SMARCA2: variants seen among roughly 807,000 people sequenced by gnomAD.
SMARCA2 encodes SWI/SNF related BAF chromatin remodeling complex subunit ATPase 2.
In SMARCA2, 61 loss-of-function variants were observed where a neutral mutation model predicts 199.8. The ratio of observed to expected loss-of-function variants is 0.31; its 90% CI spans 0.25 to 0.38. The LOEUF is 0.38. SMARCA2 is among the 10% of genes least tolerant of loss of function. SMARCA2 has a pLI of 1.00. For synonymous variants in SMARCA2, 935 were observed against 732.0 expected, an observed-to-expected ratio of 1.28 and a Z score of -4.48; for missense variants, 1,344 against 2,012.2, an observed-to-expected ratio of 0.67 and a Z score of 6.35.
At chr9:2,047,644 G>A (rs1221668055) in intron 5 of SMARCA2, 160 bp downstream of exon 5, 4 of 881,870 alleles carry the variant, frequency 4.5e-6, no homozygotes, top group Non-Finnish European at 6.0e-6. Context: ...CCGGTGCTGA[G>A]GGGAGGCACC....
chr9:2,053,110 C>A (rs997883253), intron 5 of SMARCA2, among the ~76,000 whole-genome samples: 5 of 152,156 alleles, frequency 3.3e-5, no homozygotes, highest in Non-Finnish European at 7.3e-5. Flanking sequence ...AGTTTTTCAT[C>A]CCTTCCTGCG....
intron 24 of SMARCA2, among the ~76,000 whole-genome samples, chr9:2,111,397 TG>T (rs762477364): frequency 7.0e-6 from 1 of 143,650 alleles, no homozygotes; most frequent in Non-Finnish European, 1.5e-5. Flanking sequence ...CAGGCTGAGG[TG>T]GGAGGATTGT....
At chr9:2,145,647 G>A (rs111443120) in intron 27 of SMARCA2, among the ~76,000 whole-genome samples, 1 of 152,128 alleles carries the variant, frequency 6.6e-6, no homozygotes, top group African/African-American at 2.4e-5. Context: ...AAAATACCTA[G>A]AACAAATACA....
At chr9:2,030,542 T>TC (rs1013013949) in intron 2 of SMARCA2, among the ~76,000 whole-genome samples, 1 of 98,118 alleles carries the variant, frequency 1.0e-5, no homozygotes, top group Non-Finnish European at 2.0e-5. Context: ...TTCCTCTAGC[T>TC]TTTTTTTTTT....
Position 2,161,885 on chromosome 9 carries a change from T to C in SMARCA2, c.4181T>C (p.Val1394Ala). 1 of 1,613,818 alleles carries C rather than the reference T, an allele frequency of 6.2e-7. No homozygotes were observed. Among genetic ancestry groups the C allele is most frequent in the Non-Finnish European group, 8.5e-7 (1 of 1,179,746 alleles). Residue 1394 changes from valine (V) to alanine (A), a missense_variant, in exon 28 of 34, where the codon GTG (valine) becomes GCG (alanine). This residue lies in a region of SMARCA2 where 151 missense variants were observed against 154.0 expected (regional missense o/e 0.98). Coordinates refer to ENST00000349721, the MANE Select transcript of SMARCA2 (RefSeq NM_003070.5). This position sits in a 1 kb window ranked among gnomAD's most constrained non-coding sequence, Gnocchi z 4.7. ...CAGATGAACGCTATCATCGATACTG[T>C]GATAAACTACAAAGATAGGTGAGTG... ...TKQMNAIIDT[V>A]INYKDRCNVE...
chr9:2,068,463 A>G (rs1243254258), intron 9 of SMARCA2, among the ~76,000 whole-genome samples: 1 of 152,206 alleles, frequency 6.6e-6, no homozygotes, highest in Non-Finnish European at 1.5e-5. Context: ...AGAAATTTCA[A>G]ATGTTGATGG....
chr9:2,189,054 A>T (rs1337254368), intron 32 of SMARCA2, among the ~76,000 whole-genome samples: 2 of 152,190 alleles, frequency 1.3e-5, no homozygotes, highest in African/African-American at 2.4e-5. Flanking sequence ...AGATGATTAG[A>T]CTGGGCCCAC....
chr9:2,059,794 C>G (rs577259599), intron 8 of SMARCA2, among the ~76,000 whole-genome samples: 3 of 152,066 alleles, frequency 2.0e-5, no homozygotes. Flanking sequence ...AGAGTGACAC[C>G]CCTGGACAAA....
chr9:2,140,430 A>G (rs1424963449), intron 27 of SMARCA2, among the ~76,000 whole-genome samples: 1 of 152,232 alleles, frequency 6.6e-6, no homozygotes, highest in Admixed American at 6.5e-5. Flanking sequence ...CTCAAAGAGA[A>G]TTAATAAGCC....
intron 9 of SMARCA2, among the ~76,000 whole-genome samples, chr9:2,066,654 C>T (rs1289341036): frequency 2.6e-5 from 4 of 152,168 alleles, no homozygotes; most frequent in Non-Finnish European, 5.9e-5. Context: ...TAGGAAGAAG[C>T]CAGTACAAAG....
chr9:2,083,332 T>A lies in SMARCA2; in HGVS notation c.2349-15T>A, dbSNP rs777370075. The A allele has an allele frequency of 1.9e-5, 29 of 1,533,436 alleles. 1 individual carries two copies. In the Admixed American group the frequency reaches 5.9e-4, roughly 31 times the overall value. The allele number at this position is 1,533,436 out of a possible 1,614,324, so 95.0% of individuals were successfully genotyped here. A position where few individuals can be genotyped will look rare whatever the true frequency, so the allele number is the denominator to read the frequency against. ...AAATGTCTTTTTTCTGTTGTTTTTT[T>A]TTTTTGTTCCATAGGACTCTATCTA... On this transcript the variant is annotated splice_polypyrimidine_tract_variant and intron_variant, in intron 15 of 33. Transcript: ENST00000349721.
At chr9:2,071,459 G>A (rs1821084623) in intron 10 of SMARCA2, among the ~76,000 whole-genome samples, 1 of 152,310 alleles carries the variant, frequency 6.6e-6, no homozygotes, top group Middle Eastern at 3.4e-3. Flanking sequence ...ACCTAAGAAT[G>A]CCTCCCATTG....
Position 2,151,737 on chromosome 9 carries a change from A to G in SMARCA2, c.3982-9949A>G, listed in dbSNP as rs1825091536. On this transcript the variant is annotated intron_variant, in intron 27 of 33. Coordinates refer to ENST00000349721, the MANE Select transcript of SMARCA2 (RefSeq NM_003070.5). ...GACAGAGCAAGACTTCGTATCAAAA[A>G]TAAAAAATAAATGAATTAAAAAATA... Among the ~76,000 whole-genome samples the G allele has an allele frequency of 2.0e-5, 3 of 152,138 alleles. No individual in the cohort carries two copies. In the East Asian group the frequency reaches 5.8e-4, roughly 29 times the overall value.
intron 1 of SMARCA2, among the ~76,000 whole-genome samples, chr9:2,025,174 C>A (rs1436983892): frequency 6.6e-6 from 1 of 152,144 alleles, no homozygotes; most frequent in Non-Finnish European, 1.5e-5. Context: ...AACACACACT[C>A]TCTAGTTGTG....
chr9:2,130,611 A>T (rs1823899737), intron 27 of SMARCA2, among the ~76,000 whole-genome samples: 1 of 152,136 alleles, frequency 6.6e-6, no homozygotes, highest in African/African-American at 2.4e-5. Context: ...CAGTTTTGTA[A>T]CTTTCCTATG....
chr9:2,056,548 G>A lies in SMARCA2; in HGVS notation c.1174-124G>A. The A allele has an allele frequency of 1.5e-5, 12 of 781,756 alleles. No homozygotes were observed. The highest frequency in any genetic ancestry group is 2.4e-5 in the Non-Finnish European group (12 of 500,776). 48.4% of individuals were successfully genotyped at this position (781,756 alleles called of 1,614,324 possible). ...CCTTCATTTAATACAAACCAAAGGT[G>A]ATTGAGAAGCTTGTGGAGATTCCCC... On this transcript the variant is annotated intron_variant, in intron 6 of 33. Coordinates refer to ENST00000349721, the MANE Select transcript of SMARCA2 (RefSeq NM_003070.5). The surrounding 1 kb of genome is among the most constrained non-coding windows in gnomAD (Gnocchi z 4.0).
chr9:2,130,993 G>A (rs1406550501), intron 27 of SMARCA2, among the ~76,000 whole-genome samples: 1 of 152,192 alleles, frequency 6.6e-6, no homozygotes, highest in Non-Finnish European at 1.5e-5. Context: ...GGGCTGGAGG[G>A]TGGTTTCTGG....
intron 23 of SMARCA2, among the ~76,000 whole-genome samples, chr9:2,109,638 G>T (rs949911204): frequency 6.6e-6 from 1 of 152,050 alleles, no homozygotes; most frequent in Non-Finnish European, 1.5e-5. Flanking sequence ...CTTGTGGGGG[G>T]GGTGGGGATT....
At chr9:2,149,064 GTTT>G in intron 27 of SMARCA2, among the ~76,000 whole-genome samples, 1 of 151,052 alleles carries the variant, frequency 6.6e-6, no homozygotes, top group African/African-American at 2.4e-5. Flanking sequence ...GTATTAGTCT[GTTT>G]TCACACTGCT....
Sources: allele counts gnomAD v4.1 joint callset (sites outside exome capture counted in the v4.1 genomes callset), GRCh38; gene constraint gnomAD v4.1.1; regional missense constraint gnomAD v4.1.1; non-coding constraint Gnocchi (gnomAD v3.1); transcripts MANE v1.5; gene names NCBI Gene and HGNC (gene_info 2026-07-23, HGNC 2026-07-21).